The following CES4A variants were observed in gnomAD, a reference collection of about 807,000 sequenced individuals.
CES4A encodes carboxylesterase 6.
A neutral mutation model predicts 65.4 loss-of-function variants in CES4A; 48 were observed. That is an observed-to-expected ratio of 0.73 (90% CI 0.58 to 0.93). CES4A has a LOEUF of 0.93. CES4A is among the 40% of genes least tolerant of loss of function. The probability of loss-of-function intolerance (pLI) is 0.00; values close to 1 mark genes in which losing one functional copy is unlikely to be tolerated. For synonymous variants in CES4A, 247 were observed against 281.8 expected (o/e 0.88, Z 1.24); for missense variants, 685 against 728.5 (o/e 0.94, Z 0.69).
chr16:67,003,357 G>A lies in CES4A; in HGVS notation c.897G>A (p.Lys299=), dbSNP rs767442949. The change falls in exon 7 of 14, where the codon AAG becomes AAA. Residue 299 remains lysine (K), a synonymous_variant. Coordinates refer to ENST00000648724, the Ensembl canonical transcript of CES4A. This position sits in a 1 kb window ranked among gnomAD's most constrained non-coding sequence, Gnocchi z 4.2. ...CCAAGGTGATGCGTGTGTCCAACAA[G>A]ATGGTAGGTAGAACATTCCAGCTGC... 3.7e-6 allele frequency: 6 copies of A among 1,613,668 alleles called. No homozygotes were observed. Among genetic ancestry groups the A allele is most frequent in the African/African-American group, 1.3e-5 (1 of 74,914 alleles).
At chr16:66,992,345 C>A (rs903342477) in intron 1 of CES4A, among the ~76,000 whole-genome samples, 1 of 152,200 alleles carries the variant, frequency 6.6e-6, no homozygotes, top group African/African-American at 2.4e-5. Flanking sequence ...TTATGTGAGA[C>A]CTGTAGAGAC....
intron 1 of CES4A, among the ~76,000 whole-genome samples, chr16:66,991,087 C>G (rs576695822): frequency 2.0e-5 from 3 of 152,142 alleles, no homozygotes; most frequent in South Asian, 4.1e-4. Context: ...CACAGTGATG[C>G]GATCTTGGCT....
At chr16:66,988,664 G>C in exon 1 of CES4A, 1 of 1,532,302 alleles carries the variant, frequency 6.5e-7, no homozygotes, top group Non-Finnish European at 8.8e-7. Context: ...GGGATTAAGA[G>C]CAGATAAAAG....
At chr16:67,009,152 T>C (rs1414333777) in exon 14 of CES4A, 1 of 1,609,162 alleles carries the variant, frequency 6.2e-7, no homozygotes. Flanking sequence ...AGGGTGGCTA[T>C]GCAGGAAGGA....
At chr16:67,004,706 A>G (rs1965617053) in intron 9 of CES4A, 87 bp from the exon 10 acceptor site, 2 of 1,066,214 alleles carry the variant, frequency 1.9e-6, no homozygotes, top group Admixed American at 4.0e-5. Flanking sequence ...TTAGATGGGC[A>G]AGACCTTTGG....
downstream of CES4A, among the ~76,000 whole-genome samples, chr16:67,010,227 G>A (rs536200095): frequency 6.6e-6 from 1 of 150,882 alleles, no homozygotes; most frequent in Non-Finnish European, 1.5e-5. Flanking sequence ...CACCATGCCC[G>A]GCTTATTTTT....
chr16:67,003,612 A>G lies in CES4A; in HGVS notation c.939+59A>G. 1 of 1,365,174 alleles carries G rather than the reference A, an allele frequency of 7.3e-7. No individual in the cohort carries two copies. The highest frequency in any genetic ancestry group is 1.0e-6 in the Non-Finnish European group (1 of 953,362). The allele number at this position is 1,365,174 out of a possible 1,614,324, so 84.6% of individuals were successfully genotyped here. On this transcript the variant is annotated intron_variant, in intron 8 of 13. Transcript: ENST00000648724. The surrounding 1 kb of genome is among the most constrained non-coding windows in gnomAD (Gnocchi z 4.2). ...ATTTAACACCTACTTTGTGCCAGGCACTTGGGATACTTAGGGAATTGTTCA... is the reference window on the plus strand; with the variant it reads ...ATTTAACACCTACTTTGTGCCAGGCGCTTGGGATACTTAGGGAATTGTTCA...
chr16:66,997,791 G>C (rs1964969027), intron 2 of CES4A, among the ~76,000 whole-genome samples: 1 of 152,094 alleles, frequency 6.6e-6, no homozygotes, highest in Non-Finnish European at 1.5e-5. Flanking sequence ...GCAATGTAGT[G>C]AGACCCTGTC....
chr16:66,996,702 C>T (rs918473722), intron 2 of CES4A, among the ~76,000 whole-genome samples: 2 of 152,146 alleles, frequency 1.3e-5, no homozygotes, highest in African/African-American at 4.8e-5. Flanking sequence ...TGTCTGAGAA[C>T]CTGGGTATCA....
Position 67,004,729 on chromosome 16 carries a change from T to G in CES4A, c.1081-64T>G, listed in dbSNP as rs1373971565. On this transcript the variant is annotated intron_variant, in intron 9 of 13. Transcript: ENST00000648724. ...GCAAGACCTTTGGGGCCTTTGTAGC[T>G]CTGGCCAGAATCCCTCCTAATGCTC... 2.2e-6 allele frequency: 3 copies of G among 1,351,780 alleles called. No homozygotes were observed. The South Asian group carries it at 3.7e-5, about 17-fold the overall frequency. The allele number at this position is 1,351,780 out of a possible 1,614,324, so 83.7% of individuals were successfully genotyped here. A position where few individuals can be genotyped will look rare whatever the true frequency, so the allele number is the denominator to read the frequency against.
intron 8 of CES4A, 57 bp from the exon 9 acceptor site, chr16:67,004,027 C>T: frequency 1.3e-6 from 2 of 1,596,808 alleles, no homozygotes; most frequent in East Asian, 2.2e-5. Flanking sequence ...CCCAAGGTTG[C>T]AGGGACCCTG....
chr16:67,006,117 A>C (rs1965741337), intron 11 of CES4A: 1 of 414,378 alleles, frequency 2.4e-6, no homozygotes, highest in Non-Finnish European at 4.5e-6. Flanking sequence ...AGGGAAAAGG[A>C]AGGCTTCCAT....
In CES4A at chr16:67,001,667, C is replaced by T. The variant is rs1350025698; in HGVS notation, c.690+206C>T. On this transcript the variant is annotated intron_variant, in intron 5 of 13. Coordinates refer to ENST00000648724, the Ensembl canonical transcript of CES4A. The surrounding 1 kb of genome is among the most constrained non-coding windows in gnomAD (Gnocchi z 4.1). Reference sequence around the variant, plus strand: ...GGATAGCACTGATGAGAAAACTGAGCCCCAGGAAGGGTAGTGCTGAGGCTT... The same window carrying T: ...GGATAGCACTGATGAGAAAACTGAGTCCCAGGAAGGGTAGTGCTGAGGCTT... 6.6e-6 allele frequency among the ~76,000 whole-genome samples: 1 copy of T among 152,254 alleles called. No homozygotes were observed. Among genetic ancestry groups the T allele is most frequent in the African/African-American group, 2.4e-5 (1 of 41,466 alleles).
intron 2 of CES4A, among the ~76,000 whole-genome samples, chr16:66,999,261 C>T (rs771627227): frequency 5.2e-4 from 79 of 152,150 alleles, no homozygotes; most frequent in Non-Finnish European, 1.0e-3. Context: ...TGTCCTGCGC[C>T]CAATCAAATG....
rs531943300 is a variant in CES4A at position 67,004,316 on chromosome 16, A to G, written c.1080+92A>G. 4 of 1,428,294 alleles carry G rather than the reference A, an allele frequency of 2.8e-6. No homozygotes were observed. The South Asian group carries it at 3.8e-5, about 13-fold the overall frequency. 88.5% of individuals were successfully genotyped at this position (1,428,294 alleles called of 1,614,324 possible). On this transcript the variant is annotated intron_variant, in intron 9 of 13. Transcript: ENST00000648724. ...GGATGCCTCTTGGACGGTGCTGGGC[A>G]CCAGGTCAGATGCCAGTAGCCCCTC...
In CES4A at chr16:67,001,187, G is replaced by A. The variant is rs1567581315; in HGVS notation, c.537-121G>A. On this transcript the variant is annotated intron_variant, in intron 4 of 13. Transcript: ENST00000648724. The surrounding 1 kb of genome is among the most constrained non-coding windows in gnomAD (Gnocchi z 4.1). ...GAGCTAACTCCAAGGAAGGGGGTGTGGTCGCAGGACTGGGTCTTAGAGGGG... is the reference window on the plus strand; with the variant it reads ...GAGCTAACTCCAAGGAAGGGGGTGTAGTCGCAGGACTGGGTCTTAGAGGGG... 7.2e-7 allele frequency: 1 copy of A among 1,383,608 alleles called. No homozygotes were observed. The highest frequency in any genetic ancestry group is 9.6e-7 in the Non-Finnish European group (1 of 1,041,954). 85.7% of individuals were successfully genotyped at this position (1,383,608 alleles called of 1,614,324 possible). A position where few individuals can be genotyped will look rare whatever the true frequency, so the allele number is the denominator to read the frequency against.
chr16:66,996,445 G>A (rs1382843762), intron 2 of CES4A, among the ~76,000 whole-genome samples: 1 of 152,160 alleles, frequency 6.6e-6, no homozygotes, highest in Admixed American at 6.5e-5. Flanking sequence ...GAGGGGCAGT[G>A]TTCACTCTCA....
chr16:66,992,107 G>A (rs1964436540), intron 1 of CES4A, among the ~76,000 whole-genome samples: 1 of 152,240 alleles, frequency 6.6e-6, no homozygotes, highest in African/African-American at 2.4e-5. Context: ...GTTAGACCTT[G>A]GCCTCCTGGC....
chr16:67,004,726 A>C, intron 9 of CES4A, 67 bp from the exon 10 acceptor site: 1 of 1,306,264 alleles, frequency 7.7e-7, no homozygotes, highest in South Asian at 1.3e-5. Context: ...GGGCCTTTGT[A>C]GCTCTGGCCA....
Sources: gnomAD v4.1 joint callset for allele counts (sites outside exome capture counted in the v4.1 genomes callset) on GRCh38, gnomAD v4.1.1 for gene constraint, Gnocchi (gnomAD v3.1) non-coding constraint, MANE v1.5 for transcripts, NCBI Gene and HGNC (gene_info 2026-07-23, HGNC 2026-07-21) for gene names.